KCTD1: variants seen among roughly 807,000 people sequenced by gnomAD.
KCTD1 encodes the protein BTB/POZ domain-containing protein KCTD1.
Under a neutral mutation model 66.0 loss-of-function variants are expected in KCTD1, and 24 were observed. That is an observed-to-expected ratio of 0.36 (90% CI 0.26 to 0.51). KCTD1 has a LOEUF of 0.51. KCTD1 is among the 20% of genes least tolerant of loss of function. The probability of loss-of-function intolerance (pLI) is 0.95; values close to 1 mark genes in which losing one functional copy is unlikely to be tolerated. For synonymous variants in KCTD1, 511 were observed against 517.2 expected, an observed-to-expected ratio of 0.99 and a Z score of 0.16; for missense variants, 943 against 1,205.2, an observed-to-expected ratio of 0.78 and a Z score of 3.22.
chr18:26,602,983 ATCT>A (rs1184003304), intron 1 of KCTD1, among the ~76,000 whole-genome samples: 21 of 152,230 alleles, frequency 1.4e-4, no homozygotes, highest in African/African-American at 5.1e-4. Context: ...ATCTACAACC[ATCT>A]GATCTTTGAC....
chr18:26,548,460 T>TCGGCGG lies in KCTD1; in HGVS notation c.71_76dup (p.Ala24_Ala25dup), dbSNP rs921777962. ...GCCCTCGCCCCGCTCCCCATTGTTC[T>TCGGCGG]CGGCGGCGGCGGCGGCAGCGCTGGC... is the stretch of plus-strand genomic sequence containing the variant. On this transcript the variant is annotated inframe_insertion, in exon 1 of 5. Coordinates refer to ENST00000580059, the MANE Select transcript of KCTD1 (RefSeq NM_001142730.3). 1.2e-5 allele frequency: 15 copies of TCGGCGG among 1,269,650 alleles called. No individual in the cohort carries two copies. Among genetic ancestry groups the TCGGCGG allele is most frequent in the Admixed American group, 4.2e-5 (1 of 24,060 alleles). 78.6% of individuals were successfully genotyped at this position (1,269,650 alleles called of 1,614,324 possible).
chr18:26,510,170 T>C (rs971735987), intron 1 of KCTD1, among the ~76,000 whole-genome samples: 2 of 152,220 alleles, frequency 1.3e-5, no homozygotes, highest in Non-Finnish European at 2.9e-5. Flanking sequence ...TTTGCATTGA[T>C]GTAACACAGT....
intron 1 of KCTD1, among the ~76,000 whole-genome samples, chr18:26,636,370 C>T (rs1987723347): frequency 6.6e-6 from 1 of 152,004 alleles, no homozygotes; most frequent in Non-Finnish European, 1.5e-5. Context: ...CTAGTATTGC[C>T]CTTCGACCTG....
At chr18:26,599,675 G>A (rs1215175699) in intron 1 of KCTD1, 1 of 1,479,554 alleles carries the variant, frequency 6.8e-7, no homozygotes, top group Non-Finnish European at 9.5e-7. Flanking sequence ...TCGGCCTGGT[G>A]GATGTCTTTT....
At chr18:26,504,713 C>CTT (rs1567971502) in intron 1 of KCTD1, among the ~76,000 whole-genome samples, 3,062 of 151,536 alleles carry the variant, frequency 0.02, 108 homozygotes, top group African/African-American at 0.07. Flanking sequence ...GTTGGGGGGG[C>CTT]GATATTTGGG....
intron 1 of KCTD1, among the ~76,000 whole-genome samples, chr18:26,650,976 G>A (rs1296887293): frequency 6.6e-6 from 1 of 152,212 alleles, no homozygotes; most frequent in African/African-American, 2.4e-5. Flanking sequence ...AGTTCCCATT[G>A]GATAGAAAAC....
chr18:26,470,141 C>T (rs758839091), intron 3 of KCTD1, among the ~76,000 whole-genome samples: 4 of 152,202 alleles, frequency 2.6e-5, no homozygotes, highest in South Asian at 4.1e-4. Flanking sequence ...CATTCACTCA[C>T]GCCACAAATA....
chr18:26,585,209 C>T (rs1460486654), intron 1 of KCTD1, among the ~76,000 whole-genome samples: 1 of 152,152 alleles, frequency 6.6e-6, no homozygotes, highest in Non-Finnish European at 1.5e-5. Flanking sequence ...AAGGTACATT[C>T]CTTGTACATT....
intron 1 of KCTD1, among the ~76,000 whole-genome samples, chr18:26,578,060 T>TTCTTTTCTTTC (rs1567999114): frequency 7.1e-6 from 1 of 140,880 alleles, no homozygotes. Flanking sequence ...TTTCTTTCTT[T>TTCTTTTCTTTC]TTTTTTTTTT....
At chr18:26,508,949 C>T (rs1186093986) in intron 1 of KCTD1, among the ~76,000 whole-genome samples, 1 of 152,176 alleles carries the variant, frequency 6.6e-6, no homozygotes, top group African/African-American at 2.4e-5. Context: ...CATCACTTTA[C>T]TGACCACAGC....
At chr18:26,478,546 G>A (rs957633979) in intron 2 of KCTD1, among the ~76,000 whole-genome samples, 4 of 152,136 alleles carry the variant, frequency 2.6e-5, no homozygotes, top group Non-Finnish European at 5.9e-5. Context: ...AGGAAAAGTA[G>A]GTATTTTGTT....
intron 1 of KCTD1, among the ~76,000 whole-genome samples, chr18:26,535,120 T>TGGGGGGGGGG (rs374295043): frequency 1.6e-5 from 2 of 128,206 alleles, no homozygotes; most frequent in Non-Finnish European, 3.2e-5. Flanking sequence ...GGGGTGGGGG[T>TGGGGGGGGGG]GGAGCTGCCA....
At chr18:26,538,018 G>A (rs1015777895) in intron 1 of KCTD1, among the ~76,000 whole-genome samples, 4 of 151,860 alleles carry the variant, frequency 2.6e-5, no homozygotes, top group South Asian at 2.1e-4. Flanking sequence ...AGGCTGAGGC[G>A]GGTGGATCAC....
At chr18:26,481,335 G>T (rs1005796236) in intron 2 of KCTD1, among the ~76,000 whole-genome samples, 1 of 152,188 alleles carries the variant, frequency 6.6e-6, no homozygotes, top group African/African-American at 2.4e-5. Flanking sequence ...GCTCATTGGA[G>T]ACCTGAAGGA....
intron 1 of KCTD1, among the ~76,000 whole-genome samples, chr18:26,620,893 C>T (rs1293175233): frequency 7.0e-6 from 1 of 143,648 alleles, no homozygotes; most frequent in African/African-American, 2.7e-5. Flanking sequence ...AGTGCCGTGG[C>T]GCGATCTCGG....
At chr18:26,613,333 A>G (rs1418079184) in intron 1 of KCTD1, among the ~76,000 whole-genome samples, 3 of 152,188 alleles carry the variant, frequency 2.0e-5, no homozygotes, top group Non-Finnish European at 4.4e-5. Context: ...ACAATCATGT[A>G]CCTGGTAGCA....
intron 1 of KCTD1, among the ~76,000 whole-genome samples, chr18:26,539,719 A>G (rs1483371013): frequency 6.6e-6 from 1 of 152,224 alleles, no homozygotes. Flanking sequence ...CATAACAGCC[A>G]GGAATGTGGA....
intron 2 of KCTD1, among the ~76,000 whole-genome samples, chr18:26,488,679 T>C (rs1030438093): frequency 4.6e-5 from 7 of 152,202 alleles, no homozygotes; most frequent in Admixed American, 1.3e-4. Context: ...AGCTGTTATG[T>C]ACAGTTGTAA....
intron 4 of KCTD1, chr18:26,457,570 C>T (rs1980160144): frequency 1.3e-5 from 2 of 152,190 alleles, no homozygotes; most frequent in South Asian, 2.1e-4. Flanking sequence ...AGCTCTTCTT[C>T]GGAGTCCGAT....
Sources: allele counts gnomAD v4.1 joint callset (sites outside exome capture counted in the v4.1 genomes callset), GRCh38; gene constraint gnomAD v4.1.1; transcripts MANE v1.5; gene names NCBI Gene and HGNC (gene_info 2026-07-23, HGNC 2026-07-21).